TOB2: variants seen among roughly 807,000 people sequenced by gnomAD.
The protein encoded by TOB2 is transducer of ERBB2, 2, also known as protein Tob2.
A neutral mutation model predicts 17.3 loss-of-function variants in TOB2; 3 were observed. That is an observed-to-expected ratio of 0.17 (90% CI 0.08 to 0.45). The LOEUF is 0.45. TOB2 is among the 20% of genes least tolerant of loss of function. TOB2 has a pLI of 0.99. For missense variants in TOB2, 407 were observed against 445.7 expected (o/e 0.91, Z 0.78); for synonymous variants, 163 against 185.6 (o/e 0.88, Z 0.99).
chr22:41,438,116 A>C (rs2037574002), intron 1 of TOB2, among the ~76,000 whole-genome samples: 1 of 152,170 alleles, frequency 6.6e-6, no homozygotes, highest in African/African-American at 2.4e-5. Context: ...CTGTCTCTGC[A>C]ATATCTTGGT....
Position 41,437,277 on chromosome 22 carries a change from G to T in TOB2, c.69C>A (p.Arg23=), listed in dbSNP as rs2037565030. 1 of 1,613,994 alleles carries T rather than the reference G, an allele frequency of 6.2e-7. No homozygotes were observed. The highest frequency in any genetic ancestry group is 1.3e-5 in the African/African-American group (1 of 74,898). ...GCTCCTCCCCAAACAGGTCTGCCCG[G>T]CGCCGGGGCAGCTTGTTGTACAAGT... is the stretch of plus-strand genomic sequence containing the variant. ...ISYLYNKLPR[R]RADLFGEELE... The change falls in exon 2 of 2, where the codon CGC becomes CGA. Residue 23 remains arginine (R), a synonymous_variant. Coordinates refer to ENST00000327492, the MANE Select transcript of TOB2 (RefSeq NM_016272.4).
rs765425961 is a variant in TOB2, at chr22:41,436,523, C to T, written c.823G>A (p.Ala275Thr). The change falls in exon 2 of 2, where the codon GCC becomes ACC. Residue 275 changes from alanine to threonine, a missense_variant. Ala to Thr is a moderately conservative substitution (Grantham distance 58). Transcript: ENST00000327492. This position sits in a 1 kb window ranked among gnomAD's most constrained non-coding sequence, Gnocchi z 4.8. ...GGGGTGCCGCTGCCCTGGCCATCGG[C>T]CGCATCAAAGAAGAGGCTGGGTGAG... Reference protein sequence around the residue: ...GGSPSLFFDAADGQGSGTPGP... With the variant: ...GGSPSLFFDATDGQGSGTPGP... 2.5e-6 allele frequency: 4 copies of T among 1,611,844 alleles called. No individual in the cohort carries two copies. In the Admixed American group the frequency reaches 6.7e-5, roughly 27 times the overall value.
intron 1 of TOB2, among the ~76,000 whole-genome samples, chr22:41,440,105 TTTCTTTTTC>T (rs1379554166): frequency 1.5e-5 from 1 of 66,412 alleles, no homozygotes; most frequent in Admixed American, 1.1e-4. Flanking sequence ...TGTCTATTTT[TTTCTTTTTC>T]TTTCTTTTTT....
chr22:41,443,812 G>A (rs1369634430), intron 1 of TOB2, among the ~76,000 whole-genome samples: 2 of 151,786 alleles, frequency 1.3e-5, no homozygotes, highest in Non-Finnish European at 2.9e-5. Context: ...TAGCAGAGAC[G>A]GGGTTTCTCC....
At chr22:41,442,569 TTTAA>T (rs1290578423) in intron 1 of TOB2, among the ~76,000 whole-genome samples, 1 of 152,232 alleles carries the variant, frequency 6.6e-6, no homozygotes, top group East Asian at 1.9e-4. Flanking sequence ...CCTTTGCCTC[TTTAA>T]TTAGAGAACA....
intron 1 of TOB2, among the ~76,000 whole-genome samples, chr22:41,442,407 T>A (rs181495064): frequency 6.6e-6 from 1 of 152,150 alleles, no homozygotes; most frequent in Non-Finnish European, 1.5e-5. Flanking sequence ...GCCAAAGTCA[T>A]TGGGAAATAA....
Position 41,436,749 on chromosome 22 carries a change from A to G in TOB2, c.597T>C (p.Ser199=). Residue 199 remains serine, a synonymous_variant, in exon 2 of 2, where the codon AGT becomes AGC. Coordinates refer to ENST00000327492, the MANE Select transcript of TOB2 (RefSeq NM_016272.4). The surrounding 1 kb of genome is among the most constrained non-coding windows in gnomAD (Gnocchi z 4.8). ...CCCCACTGCTGGCTACACCCCCACC[A>G]CTTGCTGCCCCGCCCCCCTTCTTCA... ...TKMKKGGGAA[S]GGGVASSGAG... 1 of 1,613,700 alleles carries G rather than the reference A, an allele frequency of 6.2e-7. No homozygotes were observed. Among genetic ancestry groups the G allele is most frequent in the East Asian group, 2.2e-5 (1 of 44,876 alleles).
Position 41,446,477 on chromosome 22 carries a change from C to G in TOB2, c.-161G>C, listed in dbSNP as rs1018194346. ...GGCGGAGGTCGCTCTCCTTTCCTTC[C>G]CGGGCGTCGCCGGGCCAGGGGACCG... is the stretch of plus-strand genomic sequence containing the variant. On this transcript the variant is annotated 5_prime_UTR_variant, in exon 1 of 2. Transcript: ENST00000327492. The G allele has an allele frequency of 6.6e-6, 1 of 152,504 alleles. No homozygotes were observed. Among genetic ancestry groups the G allele is most frequent in the Admixed American group, 6.5e-5 (1 of 15,276 alleles). 9.4% of individuals were successfully genotyped at this position (152,504 alleles called of 1,614,324 possible).
In TOB2 at chr22:41,446,659, G is replaced by C. The variant is rs1306744297; in HGVS notation, c.-343C>G. Reference sequence around the variant, plus strand: ...GGCGACGACGCGGGGATGGCGGATCGGAGGGTGGTTCGTGTCGCGCAACGG... The same window carrying C: ...GGCGACGACGCGGGGATGGCGGATCCGAGGGTGGTTCGTGTCGCGCAACGG... On this transcript the variant is annotated 5_prime_UTR_variant, in exon 1 of 2. Transcript: ENST00000327492. 1 of 152,828 alleles carries C rather than the reference G, an allele frequency of 6.5e-6. No individual in the cohort carries two copies. The highest frequency in any genetic ancestry group is 1.5e-5 in the Non-Finnish European group (1 of 68,150). 9.5% of individuals were successfully genotyped at this position (152,828 alleles called of 1,614,324 possible). A position where few individuals can be genotyped will look rare whatever the true frequency, so the allele number is the denominator to read the frequency against.
chr22:41,438,630 C>CAAAAAAAAAA (rs749494672), intron 1 of TOB2, among the ~76,000 whole-genome samples: 739 of 12,680 alleles, frequency 0.058, 229 homozygotes, highest in Non-Finnish European at 0.094. Context: ...AACTCTGTCT[C>CAAAAAAAAAA]AAAAAAAAAA....
Position 41,436,260 on chromosome 22 carries a change from T to C in TOB2, c.*51A>G. On this transcript the variant is annotated 3_prime_UTR_variant, in exon 2 of 2. Transcript: ENST00000327492. This position sits in a 1 kb window ranked among gnomAD's most constrained non-coding sequence, Gnocchi z 4.8. The stretch of plus-strand genomic sequence containing the variant: ...TTTCCTCTTTTTTTTGGCCTTTCCT[T>C]TCTCTTTTCTGTGGTCTTGGGTGCT... 1 of 1,492,226 alleles carries C rather than the reference T, an allele frequency of 6.7e-7. No individual in the cohort carries two copies. The highest frequency in any genetic ancestry group is 8.9e-7 in the Non-Finnish European group (1 of 1,122,754). The allele number at this position is 1,492,226 out of a possible 1,614,324, so 92.4% of individuals were successfully genotyped here. A position where few individuals can be genotyped will look rare whatever the true frequency, so the allele number is the denominator to read the frequency against.
At chr22:41,437,720 G>C (rs2037569979) in intron 1 of TOB2, among the ~76,000 whole-genome samples, 1 of 152,104 alleles carries the variant, frequency 6.6e-6, no homozygotes, top group Non-Finnish European at 1.5e-5. Context: ...GGGAGGCTGA[G>C]GCAGGTAGAT....
In TOB2 at chr22:41,436,487, C is replaced by G; in HGVS notation, c.859G>C (p.Gly287Arg). 1 of 1,614,000 alleles carries G rather than the reference C, an allele frequency of 6.2e-7. No homozygotes were observed. The highest frequency in any genetic ancestry group is 8.5e-7 in the Non-Finnish European group (1 of 1,179,928). The change falls in exon 2 of 2, where the codon GGA (glycine) becomes CGA (arginine). Residue 287 changes from glycine to arginine, a missense_variant. Transcript: ENST00000327492. This position sits in a 1 kb window ranked among gnomAD's most constrained non-coding sequence, Gnocchi z 4.8. ...TTGCAGGTGCCAGCCCCACTGCCTC[C>G]AAACGGGCCTGGGGTGCCGCTGCCC... ...GQGSGTPGPF[G>R]GSGAGTCNSS...
At position 41,443,579 on chromosome 22, in the gene TOB2, A is replaced by G. The variant is rs1456567017; in HGVS notation, c.-63+2800T>C. On this transcript the variant is annotated intron_variant, in intron 1 of 1. Transcript: ENST00000327492. ...GTGATCCGCTCGCCTCCGCCTCCCA[A>G]AGTGTTGGGATTACAGGCGTGAGTC... Among the ~76,000 whole-genome samples the G allele has an allele frequency of 1.7e-4, 25 of 149,764 alleles. No homozygotes were observed. The Admixed American group carries it at 1.7e-3, about 10-fold the overall frequency.
Position 41,436,850 on chromosome 22 carries a change from A to G in TOB2, c.496T>C (p.Phe166Leu), listed in dbSNP as rs1334185793. ...PSFGQSPSPT[F>L]IPRSAQPITF... ...ATGGGCTGAGCGGAGCGGGGAATGAAGGTAGGGCTGGGTGACTGGCCAAAG... is the reference window on the plus strand; with the variant it reads ...ATGGGCTGAGCGGAGCGGGGAATGAGGGTAGGGCTGGGTGACTGGCCAAAG... Residue 166 changes from phenylalanine to leucine, a missense_variant, in exon 2 of 2, where the codon TTC (phenylalanine) becomes CTC (leucine). Coordinates refer to ENST00000327492, the MANE Select transcript of TOB2 (RefSeq NM_016272.4). The surrounding 1 kb of genome is among the most constrained non-coding windows in gnomAD (Gnocchi z 4.8). The G allele has an allele frequency of 1.9e-6, 3 of 1,613,998 alleles. No individual in the cohort carries two copies. In the Admixed American group the frequency reaches 5.0e-5, roughly 27 times the overall value.
chr22:41,442,628 G>C (rs1270273854), intron 1 of TOB2, among the ~76,000 whole-genome samples: 1 of 152,202 alleles, frequency 6.6e-6, no homozygotes, highest in Non-Finnish European at 1.5e-5. Context: ...AAAAATGATG[G>C]ACAACCAGAA....
intron 1 of TOB2, among the ~76,000 whole-genome samples, chr22:41,444,324 C>T (rs1415168036): frequency 6.6e-6 from 1 of 152,190 alleles, no homozygotes; most frequent in African/African-American, 2.4e-5. Context: ...AGACACAGAC[C>T]GGTCAACCTT....
intron 1 of TOB2, among the ~76,000 whole-genome samples, chr22:41,440,236 G>A (rs1464574762): frequency 6.7e-6 from 1 of 148,268 alleles, no homozygotes; most frequent in Non-Finnish European, 1.5e-5. Context: ...TCCTGCCTCA[G>A]TCTCCCAAGT....
chr22:41,441,834 C>A (rs550340558), intron 1 of TOB2, among the ~76,000 whole-genome samples: 7 of 151,842 alleles, frequency 4.6e-5, no homozygotes, highest in African/African-American at 1.7e-4. Flanking sequence ...TTGCTTGAAC[C>A]CAGGAGGCGG....
Sources: gnomAD v4.1 joint callset for allele counts (sites outside exome capture counted in the v4.1 genomes callset) on GRCh38, gnomAD v4.1.1 for gene constraint, Gnocchi (gnomAD v3.1) non-coding constraint, MANE v1.5 for transcripts, NCBI Gene and HGNC (gene_info 2026-07-23, HGNC 2026-07-21) for gene names.